Variants in TBC1D22A observed in about 807,000 individuals in gnomAD.
TBC1D22A encodes putative GTPase activator.
Under a neutral mutation model 60.2 loss-of-function variants are expected in TBC1D22A, and 38 were observed. The observed-to-expected ratio is 0.63, with a 90% CI of 0.49 to 0.83. The LOEUF is 0.83. Among genes scored for constraint, TBC1D22A ranks in the 40% least tolerant of loss-of-function variants. The pLI is 0.00. For missense variants in TBC1D22A, 628 were observed against 701.0 expected (o/e 0.90, Z 1.18); for synonymous variants, 302 against 281.7 (o/e 1.07, Z -0.72).
chr22:46,866,483 C>T (rs968933600), intron 4 of TBC1D22A, among the ~76,000 whole-genome samples: 2 of 152,206 alleles, frequency 1.3e-5, no homozygotes, highest in Admixed American at 1.3e-4. Context: ...AATGATACAC[C>T]TGTCAAGCGG....
chr22:47,020,721 T>C (rs953704589), intron 10 of TBC1D22A, among the ~76,000 whole-genome samples: 2 of 152,108 alleles, frequency 1.3e-5, no homozygotes, highest in African/African-American at 4.8e-5. Context: ...GGACAGGCCC[T>C]AGGTGACTGC....
intron 10 of TBC1D22A, among the ~76,000 whole-genome samples, chr22:47,006,253 A>G (rs1232629900): frequency 2.0e-5 from 3 of 152,320 alleles, no homozygotes; most frequent in South Asian, 4.1e-4. Context: ...CGATTGAGCT[A>G]TAAATAAACT....
intron 11 of TBC1D22A, among the ~76,000 whole-genome samples, chr22:47,086,410 G>A (rs534517753): frequency 3.9e-5 from 6 of 152,262 alleles, no homozygotes; most frequent in African/African-American, 9.6e-5. Flanking sequence ...AGCTGAGATC[G>A]CGCCATTGCA....
chr22:47,150,854 C>T (rs182891034), intron 12 of TBC1D22A, among the ~76,000 whole-genome samples: 28 of 152,298 alleles, frequency 1.8e-4, no homozygotes, highest in East Asian at 5.8e-4. Flanking sequence ...TAGAGACCTC[C>T]GCCCCCACCA....
intron 8 of TBC1D22A, 115 bp from the exon 9 acceptor site, chr22:46,974,175 A>G (rs2074191402): frequency 5.2e-6 from 4 of 769,856 alleles, no homozygotes; most frequent in Non-Finnish European, 8.8e-6. Context: ...GACTGATGAG[A>G]GTGGGTGGAG....
In TBC1D22A at chr22:46,990,136, T is replaced by C. The variant is rs998661680; in HGVS notation, c.1126-7498T>C. Among the ~76,000 whole-genome samples the C allele has an allele frequency of 3.9e-5, 6 of 152,236 alleles. No homozygotes were observed. Among genetic ancestry groups the C allele is most frequent in the Non-Finnish European group, 8.8e-5 (6 of 68,046 alleles). ...GTAAGTTTTATTTAAAATGAACTCTTATAGATAGTTTATTCTTGCAACTTG... is the reference window on the plus strand; with the variant it reads ...GTAAGTTTTATTTAAAATGAACTCTCATAGATAGTTTATTCTTGCAACTTG... On this transcript the variant is annotated intron_variant, in intron 9 of 12. Transcript: ENST00000337137. This position sits in a 1 kb window ranked among gnomAD's most constrained non-coding sequence, Gnocchi z 4.6.
At chr22:46,824,194 A>AGAGAC (rs2085950072) in intron 4 of TBC1D22A, among the ~76,000 whole-genome samples, 5 of 152,178 alleles carry the variant, frequency 3.3e-5, no homozygotes, top group Non-Finnish European at 7.3e-5. Flanking sequence ...AGCGTCTCTC[A>AGAGAC]GCTGGACCAC....
At chr22:47,161,612 G>A (rs2067987546) in intron 12 of TBC1D22A, among the ~76,000 whole-genome samples, 1 of 152,238 alleles carries the variant, frequency 6.6e-6, no homozygotes, top group Admixed American at 6.5e-5. Flanking sequence ...TTTAACAGCT[G>A]GCAGCATTTG....
chr22:46,858,943 C>T (rs1418946745), intron 4 of TBC1D22A, among the ~76,000 whole-genome samples: 6 of 152,264 alleles, frequency 3.9e-5, no homozygotes, highest in African/African-American at 1.4e-4. Flanking sequence ...TCCCACATGC[C>T]CACGCGCAGA....
At chr22:46,785,667 A>G (rs751706283) in intron 1 of TBC1D22A, among the ~76,000 whole-genome samples, 10 of 152,176 alleles carry the variant, frequency 6.6e-5, no homozygotes, top group Non-Finnish European at 1.2e-4. Flanking sequence ...AGAATTGTCT[A>G]TTCTAGGGAT....
chr22:46,824,185 G>C (rs1569092111), intron 4 of TBC1D22A, among the ~76,000 whole-genome samples: 1 of 152,154 alleles, frequency 6.6e-6, no homozygotes, highest in Non-Finnish European at 1.5e-5. Flanking sequence ...CCTACTTAGA[G>C]CGTCTCTCAG....
intron 4 of TBC1D22A, among the ~76,000 whole-genome samples, chr22:46,866,096 T>A (rs1282781320): frequency 9.8e-5 from 15 of 152,344 alleles, no homozygotes; most frequent in East Asian, 3.9e-4. Context: ...AAAGATCTTT[T>A]AAAAATTTTT....
intron 11 of TBC1D22A, among the ~76,000 whole-genome samples, chr22:47,048,640 C>T (rs131914): frequency 0.26 from 39,507 of 152,110 alleles, 5,756 homozygotes; most frequent in Non-Finnish European, 0.32. Context: ...CAGCTCCTGT[C>T]CCTCTCTCCT....
chr22:47,058,340 C>T (rs945157101), intron 11 of TBC1D22A, among the ~76,000 whole-genome samples: 1 of 152,160 alleles, frequency 6.6e-6, no homozygotes, highest in Non-Finnish European at 1.5e-5. Context: ...CCCTGCCCCC[C>T]AGCTTATGAT....
chr22:47,045,383 G>A (rs1192412770), intron 11 of TBC1D22A, among the ~76,000 whole-genome samples: 10 of 152,242 alleles, frequency 6.6e-5, no homozygotes, highest in African/African-American at 2.2e-4. Context: ...CTCTGCAGAC[G>A]TCCAGCTCCC....
At chr22:47,152,130 C>T (rs1324274830) in intron 12 of TBC1D22A, among the ~76,000 whole-genome samples, 1 of 152,236 alleles carries the variant, frequency 6.6e-6, no homozygotes, top group African/African-American at 2.4e-5. Flanking sequence ...TCTTTTTATT[C>T]TGAAGACCTA....
At chr22:46,767,638 A>G (rs139471590) in intron 1 of TBC1D22A, among the ~76,000 whole-genome samples, 155 of 152,298 alleles carry the variant, frequency 1.0e-3, no homozygotes, top group African/African-American at 3.6e-3. Flanking sequence ...TATCAAAACA[A>G]TGCTGGGAAA....
intron 11 of TBC1D22A, among the ~76,000 whole-genome samples, chr22:47,038,269 T>G (rs1053999522): frequency 2.0e-5 from 3 of 152,218 alleles, no homozygotes; most frequent in African/African-American, 7.2e-5. Context: ...AGCACAGCCC[T>G]TCATCGGCTG....
chr22:46,994,886 C>G (rs1391640834), intron 9 of TBC1D22A, among the ~76,000 whole-genome samples: 1 of 152,216 alleles, frequency 6.6e-6, no homozygotes, highest in African/African-American at 2.4e-5. Flanking sequence ...ATTGCAAGTT[C>G]AGGACCAAAG....
Sources: gnomAD v4.1 joint callset for allele counts (sites outside exome capture counted in the v4.1 genomes callset) on GRCh38, gnomAD v4.1.1 for gene constraint, Gnocchi (gnomAD v3.1) non-coding constraint, MANE v1.5 for transcripts, NCBI Gene and HGNC (gene_info 2026-07-23, HGNC 2026-07-21) for gene names.